The following SORCS1 variants were observed in gnomAD, a reference collection of about 807,000 sequenced individuals.
SORCS1 encodes VPS10 domain-containing receptor SorCS1.
Under a neutral mutation model 146.1 loss-of-function variants are expected in SORCS1, and 60 were observed. That is an observed-to-expected ratio of 0.41 (90% CI 0.33 to 0.51). SORCS1 has a LOEUF of 0.51. Among genes scored for constraint, SORCS1 ranks in the 20% least tolerant of loss-of-function variants. The pLI is 0.21. For missense variants in SORCS1, 1,352 were observed against 1,487.6 expected (o/e 0.91, Z 1.50); for synonymous variants, 637 against 584.0 (o/e 1.09, Z -1.31).
chr10:106,906,025 A>G (rs1951894802), intron 2 of SORCS1, among the ~76,000 whole-genome samples: 1 of 152,228 alleles, frequency 6.6e-6, no homozygotes, highest in Non-Finnish European at 1.5e-5. Context: ...TCCTTTGGGA[A>G]AACTTTTAGG....
chr10:106,583,505 G>A lies in SORCS1; in HGVS notation c.3266-4031C>T, dbSNP rs188044235. On this transcript the variant is annotated intron_variant, in intron 24 of 25. Transcript: ENST00000263054. ...CTTTCCCTGTTGCTGCAGTTTTTTC[G>A]TTTTGTTTTGTTTTGTTTTTAGATG... Among the ~76,000 whole-genome samples, 33 of 146,194 alleles carry A rather than the reference G, an allele frequency of 2.3e-4. No individual in the cohort carries two copies. The East Asian group carries it at 3.5e-3, about 15-fold the overall frequency.
chr10:106,943,630 A>C lies in SORCS1; in HGVS notation c.626+12883T>G, dbSNP rs1187455408. Among the ~76,000 whole-genome samples, 8 of 148,218 alleles carry C rather than the reference A, an allele frequency of 5.4e-5. No individual in the cohort carries two copies. The Admixed American group carries it at 5.5e-4, about 10-fold the overall frequency. ...AGACCATCCCGGCTAACACTGTGAA[A>C]CCCCATCTCTACTAAAAATACAAAA... On this transcript the variant is annotated intron_variant, in intron 2 of 25. Coordinates refer to ENST00000263054, the MANE Select transcript of SORCS1 (RefSeq NM_052918.5).
chr10:106,771,378 C>T (rs896570306), intron 4 of SORCS1, among the ~76,000 whole-genome samples: 4 of 152,236 alleles, frequency 2.6e-5, no homozygotes, highest in Non-Finnish European at 5.9e-5. Context: ...AGTTTATTGC[C>T]AAATTGAAAT....
intron 2 of SORCS1, among the ~76,000 whole-genome samples, chr10:106,898,014 C>T (rs574669317): frequency 2.2e-4 from 33 of 152,352 alleles, no homozygotes; most frequent in Non-Finnish European, 4.6e-4. Context: ...AGATAAATTC[C>T]CCTTCAGTGA....
Position 106,872,333 on chromosome 10 carries a change from GAT to G in SORCS1, c.627-42662_627-42661del, listed in dbSNP as rs1950443040. On this transcript the variant is annotated intron_variant, in intron 2 of 25. Coordinates refer to ENST00000263054, the MANE Select transcript of SORCS1 (RefSeq NM_052918.5). The stretch of plus-strand genomic sequence containing the variant: ...GGACACCAAGTCAGACCAAGCTCAG[GAT>G]ATCTGACTTATGACCAGGTGGTGAG... Among the ~76,000 whole-genome samples the G allele has an allele frequency of 2.6e-5, 4 of 152,310 alleles. No individual in the cohort carries two copies. In the South Asian group the frequency reaches 8.3e-4, roughly 32 times the overall value.
intron 17 of SORCS1, among the ~76,000 whole-genome samples, chr10:106,666,171 T>G (rs1851123463): frequency 6.6e-6 from 1 of 152,142 alleles, no homozygotes; most frequent in Admixed American, 6.5e-5. Flanking sequence ...AGATTAACAT[T>G]TAAGTCAGTA....
chr10:106,878,620 G>GTGTATATATATATATATAAATATATATA (rs904386657), intron 2 of SORCS1, among the ~76,000 whole-genome samples: 1 of 84,950 alleles, frequency 1.2e-5, no homozygotes, highest in Non-Finnish European at 2.4e-5. Flanking sequence ...AAACTACCTA[G>GTGTATATATATATATATAAATATATATA]TATATATATA....
intron 6 of SORCS1, among the ~76,000 whole-genome samples, chr10:106,717,751 T>G (rs547189227): frequency 6.6e-6 from 1 of 152,156 alleles, no homozygotes; most frequent in Admixed American, 6.5e-5. Flanking sequence ...TTTGCACCAA[T>G]CTAATAATAT....
chr10:107,102,478 T>C (rs1213750978), intron 1 of SORCS1, among the ~76,000 whole-genome samples: 1 of 152,200 alleles, frequency 6.6e-6, no homozygotes, highest in Non-Finnish European at 1.5e-5. Flanking sequence ...AGATATTGGA[T>C]TGTCAGTGGC....
intron 1 of SORCS1, among the ~76,000 whole-genome samples, chr10:107,085,223 A>C (rs1963669929): frequency 6.6e-6 from 1 of 152,218 alleles, no homozygotes; most frequent in Non-Finnish European, 1.5e-5. Flanking sequence ...AAATCACTCT[A>C]TCTCGAGGAC....
At chr10:106,896,121 T>C (rs1471764293) in intron 2 of SORCS1, among the ~76,000 whole-genome samples, 1 of 152,074 alleles carries the variant, frequency 6.6e-6, no homozygotes, top group East Asian at 1.9e-4. Flanking sequence ...TCTAAAGTAG[T>C]CAAATTCATA....
Position 107,145,327 on chromosome 10 carries a change from C to T in SORCS1, c.558+18642G>A, listed in dbSNP as rs117460108. Among the ~76,000 whole-genome samples, 156 of 152,278 alleles carry T rather than the reference C, an allele frequency of 1.0e-3. 2 individuals are homozygous for T. In the East Asian group the frequency reaches 0.028, roughly 27 times the overall value. ...GAAAATGAGGAGCCTGGAGAAAGGCCAGAAGACCAGCAACTTCTGGGAAGG... is the reference window on the plus strand; with the variant it reads ...GAAAATGAGGAGCCTGGAGAAAGGCTAGAAGACCAGCAACTTCTGGGAAGG... On this transcript the variant is annotated intron_variant, in intron 1 of 25. Coordinates refer to ENST00000263054, the MANE Select transcript of SORCS1 (RefSeq NM_052918.5).
intron 10 of SORCS1, among the ~76,000 whole-genome samples, chr10:106,687,153 T>C (rs537916728): frequency 3.3e-5 from 5 of 152,170 alleles, no homozygotes; most frequent in East Asian, 1.9e-4. Flanking sequence ...TCATTACTTA[T>C]CTGTGTGTCA....
At chr10:106,849,833 G>A (rs1949470362) in intron 2 of SORCS1, among the ~76,000 whole-genome samples, 1 of 151,884 alleles carries the variant, frequency 6.6e-6, no homozygotes, top group Non-Finnish European at 1.5e-5. Flanking sequence ...AGGTCTGTTA[G>A]AATACCCTGC....
intron 1 of SORCS1, among the ~76,000 whole-genome samples, chr10:106,981,901 G>T (rs184966351): frequency 6.6e-6 from 1 of 152,292 alleles, no homozygotes; most frequent in African/African-American, 2.4e-5. Flanking sequence ...GATCTCCTAA[G>T]AGAAGCCCAC....
chr10:106,956,684 C>T, intron 1 of SORCS1, 104 bp from the exon 2 acceptor site: 1 of 915,018 alleles, frequency 1.1e-6, no homozygotes, highest in Non-Finnish European at 1.7e-6. Context: ...AGTCACTTAA[C>T]ATAATTGAAT....
Position 106,699,196 on chromosome 10 carries a change from A to T in SORCS1, c.1413+18T>A. On this transcript the variant is annotated intron_variant, in intron 9 of 25. Transcript: ENST00000263054. ...GGGCACTGCTGTGGCTTAGGACCAC[A>T]TATGCCTCGTGACATACCTCATAGA... The T allele has an allele frequency of 6.3e-7, 1 of 1,596,170 alleles. No homozygotes were observed. Among genetic ancestry groups the T allele is most frequent in the Non-Finnish European group, 8.5e-7 (1 of 1,171,390 alleles).
In SORCS1 at chr10:106,834,550, GA is replaced by G. The variant is rs1253906360; in HGVS notation, c.627-4878del. Among the ~76,000 whole-genome samples the G allele has an allele frequency of 5.4e-5, 8 of 148,140 alleles. No individual in the cohort carries two copies. In the South Asian group the frequency reaches 1.5e-3, roughly 28 times the overall value. The stretch of plus-strand genomic sequence containing the variant: ...GGGGAAGCATAAGATCAAAGACAAA[GA>G]AAAAAAAAGAAAGGTATGGATCTTA... On this transcript the variant is annotated intron_variant, in intron 2 of 25. Coordinates refer to ENST00000263054, the MANE Select transcript of SORCS1 (RefSeq NM_052918.5).
intron 2 of SORCS1, among the ~76,000 whole-genome samples, chr10:106,901,396 G>C (rs1951693835): frequency 6.6e-6 from 1 of 152,066 alleles, no homozygotes; most frequent in South Asian, 2.1e-4. Flanking sequence ...ACACATCAAG[G>C]TGTTCAACTT....
Sources: gnomAD v4.1 joint callset for allele counts (sites outside exome capture counted in the v4.1 genomes callset) on GRCh38, gnomAD v4.1.1 for gene constraint, MANE v1.5 for transcripts, NCBI Gene and HGNC (gene_info 2026-07-23, HGNC 2026-07-21) for gene names.